The following NGF variants were observed in gnomAD, a reference collection of about 807,000 sequenced individuals.
NGF encodes the protein nerve growth factor.
A neutral mutation model predicts 12.8 loss-of-function variants in NGF; 4 were observed. That is an observed-to-expected ratio of 0.31 (90% CI 0.15 to 0.72). The LOEUF (loss-of-function observed/expected upper bound fraction) is 0.72. NGF is among the 30% of genes least tolerant of loss of function. The pLI is 0.69. For synonymous variants in NGF, 140 were observed against 130.0 expected, an observed-to-expected ratio of 1.08 and a Z score of -0.52; for missense variants, 283 against 330.8, an observed-to-expected ratio of 0.86 and a Z score of 1.12.
intron 1 of NGF, among the ~76,000 whole-genome samples, chr1:115,307,339 G>T (rs1654228736): frequency 1.3e-5 from 2 of 152,162 alleles, no homozygotes; most frequent in Non-Finnish European, 2.9e-5. Flanking sequence ...GGGGAGTGGA[G>T]AAAGCAACGG....
At chr1:115,328,467 C>T (rs1047545853) in intron 1 of NGF, among the ~76,000 whole-genome samples, 2 of 152,116 alleles carry the variant, frequency 1.3e-5, no homozygotes, top group African/African-American at 4.8e-5. Flanking sequence ...GGTGTCAGCT[C>T]CAGCATTCAC....
At chr1:115,299,263 C>T (rs1342008910) in intron 1 of NGF, among the ~76,000 whole-genome samples, 3 of 152,134 alleles carry the variant, frequency 2.0e-5, no homozygotes, top group African/African-American at 4.8e-5. Flanking sequence ...TGGCAATTTT[C>T]TTAAAAAAGA....
In NGF at chr1:115,286,603, C is replaced by T. The variant is rs776208737; in HGVS notation, c.193G>A (p.Gly65Arg). The T allele has an allele frequency of 1.2e-6, 2 of 1,614,202 alleles. No individual in the cohort carries two copies. The highest frequency in any genetic ancestry group is 1.7e-6 in the Non-Finnish European group (2 of 1,180,054). ...TCCACAGTAATGTTGCGGGTCTGCC[C>T]CGCCACGCGTGCAGCTATCGCCGCT... ...PAAAIAARVAGQTRNITVDPR... is the reference protein window; with the variant it reads ...PAAAIAARVARQTRNITVDPR... The change falls in exon 3 of 3, where the codon GGG becomes AGG. Residue 65 changes from glycine to arginine, a missense_variant. Around this residue, in one of 2 missense-constraint regions of NGF, gnomAD observed 151 missense variants for 141.6 expected, o/e 1.07. Coordinates refer to ENST00000369512, the MANE Select transcript of NGF (RefSeq NM_002506.3).
chr1:115,321,951 T>C (rs935472767), intron 1 of NGF, among the ~76,000 whole-genome samples: 1 of 152,214 alleles, frequency 6.6e-6, no homozygotes, highest in African/African-American at 2.4e-5. Flanking sequence ...GCTGCAGAAT[T>C]AGCTTGAGAT....
At chr1:115,297,438 A>G (rs1653905784) in intron 1 of NGF, among the ~76,000 whole-genome samples, 2 of 152,104 alleles carry the variant, frequency 1.3e-5, no homozygotes, top group Admixed American at 1.3e-4. Context: ...CCTAGGACTT[A>G]TCATCTCAGA....
intron 1 of NGF, among the ~76,000 whole-genome samples, chr1:115,318,628 T>C (rs1297920408): frequency 6.6e-6 from 1 of 152,184 alleles, no homozygotes; most frequent in Non-Finnish European, 1.5e-5. Flanking sequence ...TACTCTGTGA[T>C]CTCCAGCCAC....
intron 1 of NGF, among the ~76,000 whole-genome samples, chr1:115,325,700 T>C (rs1468475813): frequency 6.6e-6 from 1 of 152,150 alleles, no homozygotes; most frequent in African/African-American, 2.4e-5. Flanking sequence ...AGGCAGGAGA[T>C]GCAGGAAGAG....
intron 1 of NGF, among the ~76,000 whole-genome samples, chr1:115,313,149 G>T (rs1654377938): frequency 6.6e-6 from 1 of 152,238 alleles, no homozygotes; most frequent in Admixed American, 6.5e-5. Flanking sequence ...AGCCAGTCAT[G>T]TGTGAAGGAA....
chr1:115,315,969 C>G (rs546646585), intron 1 of NGF, among the ~76,000 whole-genome samples: 1 of 152,350 alleles, frequency 6.6e-6, no homozygotes, highest in Admixed American at 6.5e-5. Context: ...CAAGCATACA[C>G]TTGGCACATC....
intron 1 of NGF, among the ~76,000 whole-genome samples, chr1:115,333,659 T>C (rs892232270): frequency 5.6e-4 from 6 of 10,738 alleles, no homozygotes; most frequent in African/African-American, 1.5e-3. Flanking sequence ...TTCTTTCTCT[T>C]TCTTTCTTTC....
intron 1 of NGF, among the ~76,000 whole-genome samples, chr1:115,334,968 G>C (rs975931605): frequency 1.3e-5 from 2 of 152,156 alleles, no homozygotes; most frequent in African/African-American, 4.8e-5. Context: ...AACTGTAACA[G>C]GAAGTTTACC....
At chr1:115,329,744 C>CTTTTTTTTT (rs1039991768) in intron 1 of NGF, among the ~76,000 whole-genome samples, 18 of 103,970 alleles carry the variant, frequency 1.7e-4, no homozygotes, top group African/African-American at 2.7e-4. Flanking sequence ...TTCTTTCTTT[C>CTTTTTTTTT]TTTTTTTTTT....
rs888711303 is a variant in NGF at position 115,286,051 on chromosome 1, G to T, written c.*19C>A. On this transcript the variant is annotated 3_prime_UTR_variant, in exon 3 of 3. Transcript: ENST00000369512. ...CAGGAGAGTGTAGAAGGGGCAGGGG[G>T]AGGGAGCGTGTCGGCAGGTCAGGCT... 35 of 1,612,236 alleles carry T rather than the reference G, an allele frequency of 2.2e-5. No individual in the cohort carries two copies. Among genetic ancestry groups the T allele is most frequent in the Non-Finnish European group, 2.9e-5 (34 of 1,179,374 alleles).
chr1:115,331,411 C>G (rs562632965), intron 1 of NGF, among the ~76,000 whole-genome samples: 2 of 152,328 alleles, frequency 1.3e-5, no homozygotes, highest in Non-Finnish European at 2.9e-5. Context: ...TTCTTGACAT[C>G]CAGACCTGTC....
intron 1 of NGF, among the ~76,000 whole-genome samples, chr1:115,299,920 T>C (rs980789072): frequency 4.6e-5 from 7 of 152,138 alleles, no homozygotes; most frequent in African/African-American, 1.7e-4. Flanking sequence ...CATATAATCA[T>C]AACAGCACCT....
At chr1:115,330,173 A>T (rs867743048) in intron 1 of NGF, among the ~76,000 whole-genome samples, 15 of 152,124 alleles carry the variant, frequency 9.9e-5, no homozygotes, top group South Asian at 6.2e-4. Flanking sequence ...GCATGCAGCT[A>T]ATTGTGTACT....
rs765111580 is a variant in NGF at position 115,286,355 on chromosome 1, G to T, written c.441C>A (p.Thr147=). The T allele has an allele frequency of 1.9e-6, 3 of 1,613,920 alleles. No individual in the cohort carries two copies. Among genetic ancestry groups the T allele is most frequent in the African/African-American group, 1.3e-5 (1 of 74,866 alleles). Residue 147 remains threonine (T), a synonymous_variant, in exon 3 of 3, where the codon ACC becomes ACA. Coordinates refer to ENST00000369512, the MANE Select transcript of NGF (RefSeq NM_002506.3). The part of the protein sequence containing the change: ...DSVSVWVGDK[T]TATDIKGKEV... The stretch of plus-strand genomic sequence containing the variant: ...CCTTGCCCTTGATGTCTGTGGCGGT[G>T]GTCTTATCCCCAACCCACACGCTGA...
chr1:115,297,795 G>A (rs1463187316), intron 1 of NGF, among the ~76,000 whole-genome samples: 1 of 152,108 alleles, frequency 6.6e-6, no homozygotes, highest in Non-Finnish European at 1.5e-5. Flanking sequence ...CTCAACTTTG[G>A]TTGTAGCTTG....
At chr1:115,288,357 G>T (rs889245414) in intron 2 of NGF, among the ~76,000 whole-genome samples, 4 of 152,098 alleles carry the variant, frequency 2.6e-5, no homozygotes, top group African/African-American at 9.7e-5. Context: ...GAGCCTTAGC[G>T]TTCCCATTGA....
Sources: allele counts gnomAD v4.1 joint callset (sites outside exome capture counted in the v4.1 genomes callset), GRCh38; gene constraint gnomAD v4.1.1; regional missense constraint gnomAD v4.1.1; transcripts MANE v1.5; gene names NCBI Gene and HGNC (gene_info 2026-07-23, HGNC 2026-07-21).